The following UIMC1 variants were observed in gnomAD, a reference collection of about 807,000 sequenced individuals.
UIMC1 encodes ubiquitin interaction motif containing 1.
UIMC1 carries 42 observed loss-of-function variants against 84.9 expected under a neutral mutation model. That is an observed-to-expected ratio of 0.49 (90% CI 0.39 to 0.64). The LOEUF (loss-of-function observed/expected upper bound fraction) is 0.64, where lower values mean the gene tolerates loss of function less well. UIMC1 is among the 30% of genes least tolerant of loss of function. UIMC1 has a pLI of 0.00. For missense variants in UIMC1, 825 were observed against 847.6 expected, an observed-to-expected ratio of 0.97 and a Z score of 0.33; for synonymous variants, 281 against 293.0, an observed-to-expected ratio of 0.96 and a Z score of 0.42.
chr5:176,982,568 G>A lies in UIMC1; in HGVS notation c.48C>T (p.Asn16=), dbSNP rs1055826963. 7.4e-6 allele frequency: 12 copies of A among 1,613,988 alleles called. No individual in the cohort carries two copies. The highest frequency in any genetic ancestry group is 1.0e-5 in the Non-Finnish European group (12 of 1,179,996). ...KKVKEVSESR[N]LEKKDVETTS... is the part of the protein sequence containing the mutation. Reference sequence around the variant, plus strand: ...TAGTTTCCACATCCTTCTTCTCCAGGTTCCGAGATTCGGAGACTTCTTTAA... The same window carrying A: ...TAGTTTCCACATCCTTCTTCTCCAGATTCCGAGATTCGGAGACTTCTTTAA... The change falls in exon 2 of 15, where the codon AAC becomes AAT. Residue 16 remains asparagine, a synonymous_variant. Transcript: ENST00000511320.
chr5:176,950,738 C>T (rs1026676103), intron 9 of UIMC1, among the ~76,000 whole-genome samples: 4 of 151,814 alleles, frequency 2.6e-5, no homozygotes, highest in African/African-American at 7.3e-5. Flanking sequence ...AGCATGGTGT[C>T]GTGCACCTGT....
At chr5:176,965,094 A>C (rs888825340) in intron 6 of UIMC1, among the ~76,000 whole-genome samples, 1 of 152,184 alleles carries the variant, frequency 6.6e-6, no homozygotes, top group Non-Finnish European at 1.5e-5. Context: ...TCAGATGCCC[A>C]GTACCTTCTT....
intron 6 of UIMC1, among the ~76,000 whole-genome samples, chr5:176,959,879 A>G (rs1221016135): frequency 6.6e-6 from 1 of 151,662 alleles, no homozygotes; most frequent in African/African-American, 2.4e-5. Context: ...TAAAAATACA[A>G]AATTAGCCGG....
chr5:177,010,950 T>G (rs958813463), upstream of UIMC1, among the ~76,000 whole-genome samples: 6 of 152,104 alleles, frequency 3.9e-5, no homozygotes, highest in Admixed American at 1.3e-4. Flanking sequence ...CCCTGTACTT[T>G]GGGAGGCAAA....
At chr5:176,937,617 AT>A (rs1395651026) in intron 10 of UIMC1, among the ~76,000 whole-genome samples, 2 of 152,280 alleles carry the variant, frequency 1.3e-5, no homozygotes, top group Admixed American at 1.3e-4. Flanking sequence ...TAGTATTATA[AT>A]CAAAACTTAC....
Position 176,921,998 on chromosome 5 carries a change from C to G in UIMC1, c.1598-10609G>C, listed in dbSNP as rs188652516. Among the ~76,000 whole-genome samples, 865 of 152,234 alleles carry G rather than the reference C, an allele frequency of 5.7e-3. 4 individuals carry two copies. Among genetic ancestry groups the G allele is most frequent in the Admixed American group, 9.6e-3 (146 of 15,286 alleles). ...TTTCCTGCAGCTCTAAGAAACATGC[C>G]AAACACACTCTTGCTTTAGGGCCTT... is the stretch of plus-strand genomic sequence containing the variant. On this transcript the variant is annotated intron_variant, in intron 10 of 14. Coordinates refer to ENST00000511320, the MANE Select transcript of UIMC1 (RefSeq NM_001199298.2).
At chr5:176,997,255 A>C (rs1409014614) in intron 1 of UIMC1, among the ~76,000 whole-genome samples, 3 of 152,170 alleles carry the variant, frequency 2.0e-5, no homozygotes, top group East Asian at 3.9e-4. Context: ...TCACCATCCA[A>C]GCTACCAACA....
At chr5:176,967,967 A>T (rs1768563375) in intron 6 of UIMC1, among the ~76,000 whole-genome samples, 1 of 152,210 alleles carries the variant, frequency 6.6e-6, no homozygotes, top group East Asian at 1.9e-4. Flanking sequence ...AGAATAAGTC[A>T]TCTATTAAGA....
chr5:176,976,911 G>A (rs373667872), intron 2 of UIMC1, among the ~76,000 whole-genome samples: 1 of 152,268 alleles, frequency 6.6e-6, no homozygotes, highest in African/African-American at 2.4e-5. Flanking sequence ...AGTGGCCATG[G>A]AGGGTAAAAA....
chr5:176,990,725 T>C (rs1277189973), intron 1 of UIMC1, among the ~76,000 whole-genome samples: 1 of 152,126 alleles, frequency 6.6e-6, no homozygotes. Flanking sequence ...TTGGCTTGAA[T>C]GCAATGTGTA....
intron 10 of UIMC1, among the ~76,000 whole-genome samples, chr5:176,923,704 A>T (rs1761990273): frequency 6.6e-6 from 1 of 151,648 alleles, no homozygotes; most frequent in Non-Finnish European, 1.5e-5. Flanking sequence ...TCTCTACTAA[A>T]AATATGAAAA....
Position 176,912,480 on chromosome 5 carries a change from T to TG in UIMC1, c.1598-1092_1598-1091insC, listed in dbSNP as rs1012949160. ...ACAGTCTTGACTGTTTTTTGTTTTT[T>TG]TTTTTTTTTGAGACATAGTCTCACT... On this transcript the variant is annotated intron_variant, in intron 10 of 14. Coordinates refer to ENST00000511320, the MANE Select transcript of UIMC1 (RefSeq NM_001199298.2). 6.0e-5 allele frequency among the ~76,000 whole-genome samples: 9 copies of TG among 150,514 alleles called. 1 individual carries two copies. The highest frequency in any genetic ancestry group is 1.9e-4 in the East Asian group (1 of 5,164).
chr5:177,017,328 A>G (rs773242517), intron 1 of UIMC1, among the ~76,000 whole-genome samples: 26 of 152,338 alleles, frequency 1.7e-4, no homozygotes, highest in Non-Finnish European at 2.8e-4. Context: ...TGATCCCCAC[A>G]TGGTAGATTC....
chr5:176,971,872 G>A (rs1561853918), intron 3 of UIMC1, among the ~76,000 whole-genome samples: 1 of 152,016 alleles, frequency 6.6e-6, no homozygotes, highest in African/African-American at 2.4e-5. Context: ...CCATGCCATT[G>A]CACTCCACCC....
rs1240264390 is a variant in UIMC1, at chr5:176,905,325, C to CGACT, written c.2113_2116dup (p.Arg706GlnfsTer19). On this transcript the variant is annotated frameshift_variant, in exon 15 of 15. Transcript: ENST00000511320. LOFTEE classifies it high-confidence loss of function. Reference sequence around the variant, plus strand: ...TCCTCTGCCAGCTTTGGTCCGTGTCCGACTACCTGGCTGGACAGTAACTTG... The same window carrying CGACT: ...TCCTCTGCCAGCTTTGGTCCGTGTCCGACTGACTACCTGGCTGGACAGTAACTTG... 1.4e-5 allele frequency: 23 copies of CGACT among 1,613,906 alleles called. No homozygotes were observed. Among genetic ancestry groups the CGACT allele is most frequent in the Non-Finnish European group, 1.9e-5 (23 of 1,179,966 alleles).
intron 1 of UIMC1, among the ~76,000 whole-genome samples, chr5:176,996,978 T>C (rs753573240): frequency 2.6e-5 from 4 of 152,050 alleles, no homozygotes; most frequent in African/African-American, 7.3e-5. Flanking sequence ...GAGACCACAA[T>C]AGGCCCAAGC....
At chr5:176,952,589 G>A (rs546504966) in intron 8 of UIMC1, among the ~76,000 whole-genome samples, 188 of 152,348 alleles carry the variant, frequency 1.2e-3, no homozygotes, top group African/African-American at 4.3e-3. Context: ...AGTCTCAACA[G>A]ACTATACGGC....
intron 1 of UIMC1, among the ~76,000 whole-genome samples, chr5:177,014,952 A>C (rs751773913): frequency 2.0e-5 from 3 of 152,062 alleles, no homozygotes; most frequent in Non-Finnish European, 2.9e-5. Context: ...AGGAGTATAG[A>C]CCAGGCACGG....
rs148265052 is a variant in UIMC1, at chr5:176,958,990, T to C, written c.1201-836A>G. Among the ~76,000 whole-genome samples the C allele has an allele frequency of 6.8e-4, 104 of 152,348 alleles. 1 individual carries two copies. The highest frequency in any genetic ancestry group is 2.4e-3 in the African/African-American group (101 of 41,580). ...AGCTGAAGTTTTCAAGGTTTCCTAA[T>C]AAGATATGAATAACCTAAACAAGTT... On this transcript the variant is annotated intron_variant, in intron 6 of 14. Coordinates refer to ENST00000511320, the MANE Select transcript of UIMC1 (RefSeq NM_001199298.2).
Sources: gnomAD v4.1 joint callset for allele counts (sites outside exome capture counted in the v4.1 genomes callset) on GRCh38, gnomAD v4.1.1 for gene constraint, MANE v1.5 for transcripts, NCBI Gene and HGNC (gene_info 2026-07-23, HGNC 2026-07-21) for gene names.